ATG5: variants seen among roughly 807,000 people sequenced by gnomAD.
ATG5 encodes the protein autophagy protein 5.
A neutral mutation model predicts 36.5 loss-of-function variants in ATG5; 14 were observed. The ratio of observed to expected loss-of-function variants is 0.38; its 90% CI spans 0.25 to 0.60. The LOEUF (loss-of-function observed/expected upper bound fraction) is 0.60, where lower values mean the gene tolerates loss of function less well. ATG5 is among the 20% of genes least tolerant of loss of function. ATG5 has a pLI of 0.60. For synonymous variants in ATG5, 95 were observed against 101.5 expected, an observed-to-expected ratio of 0.94 and a Z score of 0.38; for missense variants, 195 against 326.7, an observed-to-expected ratio of 0.60 and a Z score of 3.11.
In ATG5 at chr6:106,299,010, T is replaced by C. The variant is rs1466152938; in HGVS notation, c.237-5904A>G. ...TCTAACCCACAACACAGAAACCACA[T>C]ATACCCTAAGTAAATCATAACGTAA... On this transcript the variant is annotated intron_variant, in intron 3 of 7. Coordinates refer to ENST00000369076, the MANE Select transcript of ATG5 (RefSeq NM_004849.4). 4.6e-5 allele frequency among the ~76,000 whole-genome samples: 7 copies of C among 152,178 alleles called. No homozygotes were observed. In the East Asian group the frequency reaches 9.6e-4, roughly 21 times the overall value.
At chr6:106,312,608 T>C (rs1283998819) in intron 2 of ATG5, among the ~76,000 whole-genome samples, 4 of 142,162 alleles carry the variant, frequency 2.8e-5, no homozygotes, top group Non-Finnish European at 3.1e-5. Flanking sequence ...AGGAGAAAGA[T>C]CTGGCAAAAA....
At chr6:106,323,259 C>T (rs1203603652) in intron 1 of ATG5, among the ~76,000 whole-genome samples, 1 of 97,684 alleles carries the variant, frequency 1.0e-5, no homozygotes, top group Non-Finnish European at 2.1e-5. Flanking sequence ...GTGGAAAAGT[C>T]CTTTTTTTTT....
intron 4 of ATG5, among the ~76,000 whole-genome samples, chr6:106,287,210 A>AT (rs1434293331): frequency 6.6e-6 from 1 of 152,242 alleles, no homozygotes; most frequent in Non-Finnish European, 1.5e-5. Context: ...TCAACAACAC[A>AT]TAACAGGAGG....
chr6:106,245,130 G>A, intron 6 of ATG5, among the ~76,000 whole-genome samples: 1 of 152,158 alleles, frequency 6.6e-6, no homozygotes, highest in East Asian at 1.9e-4. Flanking sequence ...AAACTGTTAT[G>A]TAAATGACAG....
chr6:106,295,910 A>G (rs1375739253), intron 3 of ATG5, among the ~76,000 whole-genome samples: 1 of 152,208 alleles, frequency 6.6e-6, no homozygotes, highest in Non-Finnish European at 1.5e-5. Flanking sequence ...CAAGTTAAAC[A>G]TAAGACTCAA....
chr6:106,200,020 G>C (rs1381080005), intron 7 of ATG5, among the ~76,000 whole-genome samples: 1 of 152,066 alleles, frequency 6.6e-6, no homozygotes, highest in Non-Finnish European at 1.5e-5. Flanking sequence ...ATCCTTTCTG[G>C]CATTGGTTCT....
chr6:106,259,767 G>A (rs1778940678), intron 5 of ATG5, among the ~76,000 whole-genome samples: 1 of 152,086 alleles, frequency 6.6e-6, no homozygotes, highest in Admixed American at 6.6e-5. Context: ...AAATACCTGT[G>A]GGACAAAATC....
rs191981177 is a variant in ATG5 at position 106,272,991 on chromosome 6, G to A, written c.478+6670C>T. Among the ~76,000 whole-genome samples, 170 of 152,274 alleles carry A rather than the reference G, an allele frequency of 1.1e-3. 1 individual carries two copies. Among genetic ancestry groups the A allele is most frequent in the African/African-American group, 3.9e-3 (161 of 41,556 alleles). ...TGGTAACAGATGAGACTGAGTGACC[G>A]ATATAGATTCATTCTACTATTTTCT... On this transcript the variant is annotated intron_variant, in intron 5 of 7. Transcript: ENST00000369076.
chr6:106,239,895 C>T (rs1391301773), intron 6 of ATG5, among the ~76,000 whole-genome samples: 1 of 152,206 alleles, frequency 6.6e-6, no homozygotes, highest in Non-Finnish European at 1.5e-5. Context: ...AAAATATCTA[C>T]TATCTGGCCC....
intron 3 of ATG5, 93 bp from the exon 4 acceptor site, chr6:106,293,199 A>G (rs1204084492): frequency 1.0e-5 from 10 of 959,338 alleles, no homozygotes; most frequent in Non-Finnish European, 1.6e-5. Flanking sequence ...TTAACACCAA[A>G]TGTCAGGGGC....
At chr6:106,198,787 AG>A (rs1776304359) in intron 7 of ATG5, among the ~76,000 whole-genome samples, 2 of 140,512 alleles carry the variant, frequency 1.4e-5, no homozygotes, top group East Asian at 4.2e-4. Context: ...GAAAAAAAAA[AG>A]AGAGAGAGTG....
At chr6:106,304,158 T>C (rs1770333525) in intron 3 of ATG5, 1 of 152,082 alleles carries the variant, frequency 6.6e-6, no homozygotes, top group African/African-American at 2.4e-5. Flanking sequence ...ATTTTCCATA[T>C]ACTAAAAATG....
chr6:106,202,194 A>G (rs1333752477), intron 6 of ATG5, 105 bp from the exon 7 acceptor site: 8 of 781,150 alleles, frequency 1.0e-5, no homozygotes, highest in Non-Finnish European at 1.3e-5. Context: ...GCCTTTTGAT[A>G]CGGTGTTAGC....
chr6:106,247,554 G>A (rs1778391335), intron 6 of ATG5, among the ~76,000 whole-genome samples: 3 of 152,140 alleles, frequency 2.0e-5, no homozygotes. Flanking sequence ...TGAAATCATC[G>A]CTCCTGGGGG....
In ATG5 at chr6:106,266,899, G is replaced by A. The variant is rs370498227; in HGVS notation, c.478+12762C>T. ...GACAAACCCATAGTCAATATCATAC[G>A]GAATGGGCAAAAGCTGGAAGCATTC... is the stretch of plus-strand genomic sequence containing the variant. On this transcript the variant is annotated intron_variant, in intron 5 of 7. Coordinates refer to ENST00000369076, the MANE Select transcript of ATG5 (RefSeq NM_004849.4). 9.9e-5 allele frequency among the ~76,000 whole-genome samples: 15 copies of A among 152,222 alleles called. No homozygotes were observed. The South Asian group carries it at 1.0e-3, about 11-fold the overall frequency.
At chr6:106,255,625 T>C (rs1778771916) in intron 5 of ATG5, among the ~76,000 whole-genome samples, 1 of 152,140 alleles carries the variant, frequency 6.6e-6, no homozygotes, top group African/African-American at 2.4e-5. Flanking sequence ...TTCTAACCAA[T>C]TAAGAATAAT....
intron 6 of ATG5, among the ~76,000 whole-genome samples, chr6:106,220,960 A>G (rs910799829): frequency 6.6e-6 from 1 of 152,246 alleles, no homozygotes; most frequent in Admixed American, 6.5e-5. Flanking sequence ...ATCCAATAGT[A>G]AAGTTGAAGA....
chr6:106,199,052 A>C (rs1776317795), intron 7 of ATG5, among the ~76,000 whole-genome samples: 1 of 152,222 alleles, frequency 6.6e-6, no homozygotes, highest in African/African-American at 2.4e-5. Flanking sequence ...TCATCATGAG[A>C]TACCACTAGG....
At chr6:106,279,600 G>C (rs1340893376) in intron 5 of ATG5, 61 bp downstream of exon 5, 1 of 1,302,618 alleles carries the variant, frequency 7.7e-7, no homozygotes, top group Non-Finnish European at 1.0e-6. Context: ...CTACTCACAG[G>C]GTTATGGCTG....
Sources: gnomAD v4.1 joint callset for allele counts (sites outside exome capture counted in the v4.1 genomes callset) on GRCh38, gnomAD v4.1.1 for gene constraint, MANE v1.5 for transcripts, NCBI Gene and HGNC (gene_info 2026-07-23, HGNC 2026-07-21) for gene names.